SLC40A1: variants seen among roughly 807,000 people sequenced by gnomAD.
The protein encoded by SLC40A1 is solute carrier family 40 member 1.
A neutral mutation model predicts 53.5 loss-of-function variants in SLC40A1; 16 were observed. The ratio of observed to expected loss-of-function variants is 0.30; its 90% CI spans 0.20 to 0.45. SLC40A1 has a LOEUF of 0.45. Among genes scored for constraint, SLC40A1 ranks in the 20% least tolerant of loss-of-function variants. The pLI is 1.00. For synonymous variants in SLC40A1, 247 were observed against 253.2 expected (o/e 0.98, Z 0.23); for missense variants, 545 against 695.4 (o/e 0.78, Z 2.43).
chr2:189,569,493 CT>C (rs2031055167), intron 5 of SLC40A1, among the ~76,000 whole-genome samples: 1 of 152,222 alleles, frequency 6.6e-6, no homozygotes, highest in Admixed American at 6.5e-5. Context: ...TCTAGATGTA[CT>C]TTCCCCCTTC....
At chr2:189,575,427 A>G in intron 2 of SLC40A1, 107 bp from the exon 3 acceptor site, 1 of 1,003,644 alleles carries the variant, frequency 1.0e-6, no homozygotes, top group Non-Finnish European at 1.6e-6. Flanking sequence ...CTACATTATG[A>G]GACTTTCAAA....
chr2:189,580,739 G>C lies in SLC40A1; in HGVS notation c.-279C>G. 1 of 1,348,574 alleles carries C rather than the reference G, an allele frequency of 7.4e-7. No homozygotes were observed. Among genetic ancestry groups the C allele is most frequent in the African/African-American group, 1.5e-5 (1 of 67,374 alleles). 83.5% of individuals were successfully genotyped at this position (1,348,574 alleles called of 1,614,324 possible). A position where few individuals can be genotyped will look rare whatever the true frequency, so the allele number is the denominator to read the frequency against. ...GTTTGGGAGGCTCAGCAGGTCGTCC[G>C]AGCCTAGCGGACGCCCTGAGCCAGC... On this transcript the variant is annotated 5_prime_UTR_variant, in exon 1 of 8. Transcript: ENST00000261024.
chr2:189,575,239 C>T lies in SLC40A1; in HGVS notation c.193G>A (p.Gly65Arg), dbSNP rs766231231. The T allele has an allele frequency of 1.2e-6, 2 of 1,614,136 alleles. No individual in the cohort carries two copies. The highest frequency in any genetic ancestry group is 2.2e-5 in the East Asian group (1 of 44,882). The change falls in exon 3 of 8, where the codon GGG becomes AGG. Residue 65 changes from glycine (G) to arginine (R), a missense_variant. Gly to Arg is a moderately radical substitution (Grantham distance 125). Around this residue, in one of 4 missense-constraint regions of SLC40A1, gnomAD observed 197 missense variants for 278.8 expected, o/e 0.71. Transcript: ENST00000261024. The part of the protein sequence containing the change: ...GNSLLLTAVY[G>R]LVVAGSVLVL... ...AGAACAGACCCTGCCACCACCAGCC[C>T]GTAGACTGCTGTCAAAAGGAGGCTG...
chr2:189,563,540 A>G, intron 7 of SLC40A1, 44 bp downstream of exon 7: 1 of 1,573,578 alleles, frequency 6.4e-7, no homozygotes, highest in Admixed American at 1.7e-5. Flanking sequence ...CTACATTACA[A>G]AAAGACACTT....
intron 2 of SLC40A1, among the ~76,000 whole-genome samples, chr2:189,579,049 T>C (rs569617348): frequency 6.6e-5 from 10 of 152,360 alleles, no homozygotes; most frequent in Non-Finnish European, 1.2e-4. Context: ...AATTGTTTAA[T>C]GTTAAAGATT....
chr2:189,569,524 ATCC>A (rs1257059533), intron 5 of SLC40A1, among the ~76,000 whole-genome samples: 1 of 152,060 alleles, frequency 6.6e-6, no homozygotes, highest in Non-Finnish European at 1.5e-5. Flanking sequence ...TTTTTCCTTT[ATCC>A]TCCTCCTTTT....
In SLC40A1 at chr2:189,575,144, T is replaced by C; in HGVS notation, c.271+17A>G. The C allele has an allele frequency of 1.9e-6, 3 of 1,613,840 alleles. No individual in the cohort carries two copies. The highest frequency in any genetic ancestry group is 1.3e-5 in the African/African-American group (1 of 74,998). On this transcript the variant is annotated intron_variant, in intron 3 of 7. Coordinates refer to ENST00000261024, the MANE Select transcript of SLC40A1 (RefSeq NM_014585.6). Reference sequence around the variant, plus strand: ...GGTCCCATGAATAAAAGGGCTTAATTATATAACAACACTCACCTTTAAGTC... The same window carrying C: ...GGTCCCATGAATAAAAGGGCTTAATCATATAACAACACTCACCTTTAAGTC...
At chr2:189,578,086 G>T in intron 2 of SLC40A1, 1 of 535,686 alleles carries the variant, frequency 1.9e-6, no homozygotes, top group Non-Finnish European at 2.4e-6. Flanking sequence ...TCATGACTTG[G>T]CAGGGTGGGA....
chr2:189,575,487 T>C (rs1386973813), intron 2 of SLC40A1, among the ~76,000 whole-genome samples, 167 bp from the exon 3 acceptor site: 4 of 152,218 alleles, frequency 2.6e-5, no homozygotes, highest in African/African-American at 9.6e-5. Context: ...AAAACGTTCA[T>C]CCCAGCACAA....
chr2:189,566,027 TGTGTGTGTGTGTGC>T (rs1228823200), intron 5 of SLC40A1, among the ~76,000 whole-genome samples: 1 of 151,548 alleles, frequency 6.6e-6, no homozygotes, highest in Non-Finnish European at 1.5e-5. Flanking sequence ...CAAGCATATG[TGTGTGTGTGTGTGC>T]GTGTGTGTGT....
Position 189,580,481 on chromosome 2 carries a change from GC to G in SLC40A1, c.-22del. ...GTCATGACACTAGGCGACCCCGCTG[GC>G]TCTTCTGCGGCTGCTATCGCTGCTG... On this transcript the variant is annotated 5_prime_UTR_variant, in exon 1 of 8. Coordinates refer to ENST00000261024, the MANE Select transcript of SLC40A1 (RefSeq NM_014585.6). 6.2e-7 allele frequency: 1 copy of G among 1,612,966 alleles called. No homozygotes were observed. The highest frequency in any genetic ancestry group is 8.5e-7 in the Non-Finnish European group (1 of 1,180,008).
rs1384613074 is a variant in SLC40A1, at chr2:189,580,629, G to A, written c.-169C>T. On this transcript the variant is annotated 5_prime_UTR_variant, in exon 1 of 8. Transcript: ENST00000261024. Reference sequence around the variant, plus strand: ...ACTTTGGCAAAGAACAAAAGAAAAGGGGCCCAGGGATTTTCTTTTTTCCTT... The same window carrying A: ...ACTTTGGCAAAGAACAAAAGAAAAGAGGCCCAGGGATTTTCTTTTTTCCTT... 2.0e-6 allele frequency: 3 copies of A among 1,533,622 alleles called. No individual in the cohort carries two copies. Among genetic ancestry groups the A allele is most frequent in the Non-Finnish European group, 2.6e-6 (3 of 1,145,614 alleles).
intron 5 of SLC40A1, among the ~76,000 whole-genome samples, chr2:189,570,201 T>C (rs1230029397): frequency 6.6e-6 from 1 of 151,766 alleles, no homozygotes; most frequent in African/African-American, 2.4e-5. Flanking sequence ...CTTTGCAGAG[T>C]CAAATGAGTT....
chr2:189,564,154 G>C lies in SLC40A1; in HGVS notation c.832C>G (p.His278Asp). 1 of 1,613,192 alleles carries C rather than the reference G, an allele frequency of 6.2e-7. No homozygotes were observed. The highest frequency in any genetic ancestry group is 8.5e-7 in the Non-Finnish European group (1 of 1,179,686). Residue 278 changes from histidine to aspartate, a missense_variant, in exon 7 of 8, where the codon CAT becomes GAT. Around this residue, in one of 4 missense-constraint regions of SLC40A1, gnomAD observed 107 missense variants for 91.0 expected, o/e 1.18. Transcript: ENST00000261024. ...VKDSNIHELE[H>D]EQEPTCASQM... Reference sequence around the variant, plus strand: ...GAGGCACAAGTAGGCTCTTGCTCATGTTCAAGCTCATGGATGTTAGAGTCT... The same window carrying C: ...GAGGCACAAGTAGGCTCTTGCTCATCTTCAAGCTCATGGATGTTAGAGTCT...
chr2:189,565,289 G>T, intron 6 of SLC40A1, 65 bp downstream of exon 6: 2 of 1,595,554 alleles, frequency 1.3e-6, no homozygotes, highest in South Asian at 2.2e-5. Context: ...AAATAGTTTT[G>T]ATCTTCACCA....
Position 189,575,184 on chromosome 2 carries a change from A to G in SLC40A1, c.248T>C (p.Val83Ala). ...LVLGAIIGDW[V>A]DKNARLKVAQ... ...ACCTTTAAGTCTAGCATTCTTGTCC[A>G]CCCAGTCACCGATGATGGCTCCCAG... is the stretch of plus-strand genomic sequence containing the variant. The change falls in exon 3 of 8, where the codon GTG (valine) becomes GCG (alanine). Residue 83 changes from valine (V) to alanine (A), a missense_variant. Val to Ala is a moderately conservative substitution (Grantham distance 64). Transcript: ENST00000261024. 1 of 1,614,070 alleles carries G rather than the reference A, an allele frequency of 6.2e-7. No individual in the cohort carries two copies.
At position 189,565,562 on chromosome 2, in the gene SLC40A1, G is replaced by T. The variant is rs1375854499; in HGVS notation, c.552C>A (p.Thr184=). The change falls in exon 6 of 8, where the codon ACC becomes ACA. Residue 184 remains threonine, a synonymous_variant. Transcript: ENST00000261024. ...CAACAGCCATGGGGGCTAAGATGTT[G>T]GTTAACTGGTCAATCCTTCGTATTG... ...NATIRRIDQL[T]NILAPMAVGQ... is the part of the protein sequence containing the mutation. 6.2e-7 allele frequency: 1 copy of T among 1,614,216 alleles called. No homozygotes were observed. The highest frequency in any genetic ancestry group is 1.7e-5 in the Admixed American group (1 of 60,028).
At chr2:189,566,093 T>C (rs528300040) in intron 5 of SLC40A1, among the ~76,000 whole-genome samples, 3 of 152,228 alleles carry the variant, frequency 2.0e-5, no homozygotes, top group Non-Finnish European at 4.4e-5. Context: ...CAGATGTTTA[T>C]TAAATACTAT....
rs372886403 is a variant in SLC40A1, at chr2:189,565,161, C to G, written c.760+193G>C. Among the ~76,000 whole-genome samples the G allele has an allele frequency of 1.8e-4, 27 of 152,294 alleles. No homozygotes were observed. The East Asian group carries it at 5.0e-3, about 28-fold the overall frequency. Reference sequence around the variant, plus strand: ...GCTAGGGGACCCATTCTAACCCCACCAGATTCAACCCGGAGTTTTTCCCTA... The same window carrying G: ...GCTAGGGGACCCATTCTAACCCCACGAGATTCAACCCGGAGTTTTTCCCTA... On this transcript the variant is annotated intron_variant, in intron 6 of 7. Coordinates refer to ENST00000261024, the MANE Select transcript of SLC40A1 (RefSeq NM_014585.6).
Sources: allele counts gnomAD v4.1 joint callset (sites outside exome capture counted in the v4.1 genomes callset), GRCh38; gene constraint gnomAD v4.1.1; regional missense constraint gnomAD v4.1.1; transcripts MANE v1.5; gene names NCBI Gene and HGNC (gene_info 2026-07-23, HGNC 2026-07-21).